Variants in FAM186B observed in about 807,000 individuals in gnomAD.
The protein encoded by FAM186B is protein FAM186B.
FAM186B carries 68 observed loss-of-function variants against 83.4 expected under a neutral mutation model. The observed-to-expected ratio is 0.81, with a 90% CI of 0.67 to 1.00. The LOEUF (loss-of-function observed/expected upper bound fraction) is 1.00, where lower values mean the gene tolerates loss of function less well. Ranked by LOEUF, FAM186B falls within the 50% of genes least tolerant of loss-of-function variation. The pLI, the probability that FAM186B is intolerant of heterozygous loss-of-function variation, is 0.00. For missense variants in FAM186B, 983 were observed against 1,099.2 expected (o/e 0.89, Z 1.49); for synonymous variants, 389 against 422.0 (o/e 0.92, Z 0.96).
At chr12:49,614,496 G>A in the FAM186B span, among the ~76,000 whole-genome samples, 7 of 152,272 alleles carry the variant, frequency 4.6e-5, no homozygotes, top group South Asian at 6.2e-4. Context: ...CAAATACCAC[G>A]TGTTCTCACT....
chr12:49,613,309 C>T, the FAM186B span, among the ~76,000 whole-genome samples: 6 of 151,918 alleles, frequency 3.9e-5, no homozygotes, highest in Admixed American at 1.3e-4. Flanking sequence ...GGGCAGATCA[C>T]GAGGTCAGGA....
chr12:49,617,601 G>T, the FAM186B span, among the ~76,000 whole-genome samples: 2 of 152,132 alleles, frequency 1.3e-5, no homozygotes, highest in South Asian at 4.1e-4. Context: ...TTTCATGATA[G>T]CTTTCTATTA....
At chr12:49,584,087 G>A (rs975544879), downstream of FAM186B, 31 of 185,520 alleles carry the variant, frequency 1.7e-4, no homozygotes, top group African/African-American at 7.3e-4. Context: ...CACCTTCTGA[G>A]CTTTCATGCA....
intron 5 of FAM186B, chr12:49,595,608 G>T (rs1939698260): frequency 2.4e-6 from 1 of 414,962 alleles, no homozygotes; most frequent in South Asian, 2.0e-5. Context: ...GACCAGCTTT[G>T]AGTTTGTGAT....
upstream of FAM186B, among the ~76,000 whole-genome samples, chr12:49,610,405 G>T (rs1290859428): frequency 1.3e-5 from 2 of 152,138 alleles, no homozygotes; most frequent in Non-Finnish European, 2.9e-5. Context: ...TCCAAGACAA[G>T]GTTGAACATC....
downstream of FAM186B, chr12:49,583,412 G>C: frequency 4.5e-6 from 1 of 224,272 alleles, no homozygotes; most frequent in Admixed American, 5.1e-5. Context: ...TAGTGTGAGG[G>C]CATTTTAAGA....
At position 49,601,094 on chromosome 12, in the gene FAM186B, GCTT is replaced by G; in HGVS notation, c.543_545del (p.Arg181del). Reference sequence around the variant, plus strand: ...GAGGATGGGATGGAGATGTCTGTGGGCTTCTTCCCTGCCAGCCCTGCCAGAAGG... The same window carrying G: ...GAGGATGGGATGGAGATGTCTGTGGGCTTCCCTGCCAGCCCTGCCAGAAGG... On this transcript the variant is annotated inframe_deletion, in exon 4 of 7. Transcript: ENST00000257894. 1 of 1,588,224 alleles carries G rather than the reference GCTT, an allele frequency of 6.3e-7. No homozygotes were observed. The highest frequency in any genetic ancestry group is 1.8e-5 in the Admixed American group (1 of 56,196).
chr12:49,605,935 T>C (rs1429371462), upstream of FAM186B, among the ~76,000 whole-genome samples: 1 of 151,840 alleles, frequency 6.6e-6, no homozygotes, highest in Non-Finnish European at 1.5e-5. Flanking sequence ...ATTTATTTTT[T>C]GTATTTTTAG....
intron 1 of FAM186B, chr12:49,605,103 C>T: frequency 8.6e-7 from 1 of 1,166,110 alleles, no homozygotes; most frequent in Non-Finnish European, 1.1e-6. Context: ...CTCTAAAACC[C>T]ACCACACCAC....
At chr12:49,608,506 A>C (rs1010174968), upstream of FAM186B, among the ~76,000 whole-genome samples, 27 of 151,700 alleles carry the variant, frequency 1.8e-4, no homozygotes, top group Middle Eastern at 3.4e-3. Context: ...AAAAAAAAAA[A>C]ACCAAAAACC....
In FAM186B at chr12:49,600,628, A is replaced by G. The variant is rs1939864258; in HGVS notation, c.1012T>C (p.Ser338Pro). The change falls in exon 4 of 7, where the codon TCC becomes CCC. Residue 338 changes from serine to proline, a missense_variant. Transcript: ENST00000257894. The surrounding 1 kb of genome is among the most constrained non-coding windows in gnomAD (Gnocchi z 4.3). ...AEDLAEVSVD[S>P]PGPSERETLP... Reference sequence around the variant, plus strand: ...GTCTCTCTCTCAGAGGGACCTGGGGAGTCAACAGAAACCTCAGCCAGGTCT... The same window carrying G: ...GTCTCTCTCTCAGAGGGACCTGGGGGGTCAACAGAAACCTCAGCCAGGTCT... 4.3e-6 allele frequency: 7 copies of G among 1,613,022 alleles called. No homozygotes were observed. Among genetic ancestry groups the G allele is most frequent in the Non-Finnish European group, 5.1e-6 (6 of 1,179,498 alleles).
chr12:49,621,259 T>A, the FAM186B span, among the ~76,000 whole-genome samples: 1 of 152,326 alleles, frequency 6.6e-6, no homozygotes, highest in South Asian at 2.1e-4. Flanking sequence ...GGCGCATGCC[T>A]GGAGTCCCAG....
At chr12:49,589,241 ACT>A (rs914331893) in intron 5 of FAM186B, among the ~76,000 whole-genome samples, 1 of 151,880 alleles carries the variant, frequency 6.6e-6, no homozygotes, top group African/African-American at 2.4e-5. Context: ...GCCACTCAAG[ACT>A]CGGGGGCAGG....
chr12:49,589,075 A>G (rs1939518314), intron 5 of FAM186B, among the ~76,000 whole-genome samples: 1 of 152,154 alleles, frequency 6.6e-6, no homozygotes, highest in African/African-American at 2.4e-5. Context: ...TTCATTCTCA[A>G]TCCCCAAACA....
downstream of FAM186B, among the ~76,000 whole-genome samples, chr12:49,586,701 C>T (rs137917979): frequency 1.1e-3 from 162 of 152,352 alleles, 1 homozygote; most frequent in African/African-American, 3.6e-3. Flanking sequence ...CCAACAGCAA[C>T]ACACATGCAC....
At chr12:49,603,140 C>A (rs1471468738) in intron 3 of FAM186B, 45 bp downstream of exon 3, 1 of 1,607,534 alleles carries the variant, frequency 6.2e-7, no homozygotes, top group Non-Finnish European at 8.5e-7. Flanking sequence ...CATGGCTCCA[C>A]CCCGTCCCCA....
chr12:49,611,047 C>G, the FAM186B span, among the ~76,000 whole-genome samples: 22 of 151,918 alleles, frequency 1.4e-4, no homozygotes, highest in Admixed American at 1.4e-3. Context: ...CGAGACCAGC[C>G]TGACCAACAT....
downstream of FAM186B, chr12:49,584,208 G>A: frequency 5.5e-6 from 2 of 364,130 alleles, no homozygotes; most frequent in South Asian, 7.3e-5. Context: ...TGCTCCCAAA[G>A]GACACAGACA....
At chr12:49,619,664 TC>T in the FAM186B span, 3 of 293,398 alleles carry the variant, frequency 1.0e-5, no homozygotes, top group Admixed American at 5.1e-5. Context: ...TAGTTAGACA[TC>T]TCTTTTTTTT....
Sources: gnomAD v4.1 joint callset for allele counts (sites outside exome capture counted in the v4.1 genomes callset) on GRCh38, gnomAD v4.1.1 for gene constraint, Gnocchi (gnomAD v3.1) non-coding constraint, MANE v1.5 for transcripts, NCBI Gene and HGNC (gene_info 2026-07-23, HGNC 2026-07-21) for gene names.